BICC1: variants seen among roughly 807,000 people sequenced by gnomAD.
BICC1 encodes BicC family RNA binding protein 1, also known as protein bicaudal C homolog 1.
BICC1 carries 43 observed loss-of-function variants against 111.0 expected under a neutral mutation model. The ratio of observed to expected loss-of-function variants is 0.39; its 90% confidence interval spans 0.30 to 0.50. The LOEUF (loss-of-function observed/expected upper bound fraction) is 0.50. BICC1 is among the 20% of genes least tolerant of loss of function. The pLI is 0.88. For synonymous variants in BICC1, 467 were observed against 434.4 expected (o/e 1.07, Z -0.93); for missense variants, 1,091 against 1,203.2 (o/e 0.91, Z 1.38).
intron 2 of BICC1, among the ~76,000 whole-genome samples, chr10:58,662,371 G>A (rs1352600838): frequency 6.6e-6 from 1 of 152,156 alleles, no homozygotes; most frequent in Admixed American, 6.5e-5. Flanking sequence ...TTAAACAAGG[G>A]TTTTCCACCC....
intron 2 of BICC1, among the ~76,000 whole-genome samples, chr10:58,678,374 A>C (rs1230171439): frequency 6.6e-6 from 1 of 152,022 alleles, no homozygotes; most frequent in Non-Finnish European, 1.5e-5. Context: ...AATGGAAAGC[A>C]AAAAAAAGCA....
intron 8 of BICC1, among the ~76,000 whole-genome samples, chr10:58,792,667 C>T (rs1403430865): frequency 1.3e-5 from 2 of 152,200 alleles, no homozygotes; most frequent in African/African-American, 4.8e-5. Context: ...TGATCTGTCA[C>T]TGTCTCCCAT....
At position 58,552,332 on chromosome 10, in the gene BICC1, TTTTA is replaced by T. The variant is rs1361312438; in HGVS notation, c.190+39015_190+39018del. Among the ~76,000 whole-genome samples, 6 of 152,102 alleles carry T rather than the reference TTTTA, an allele frequency of 3.9e-5. No homozygotes were observed. The East Asian group carries it at 5.8e-4, about 15-fold the overall frequency. On this transcript the variant is annotated intron_variant, in intron 1 of 20. Transcript: ENST00000373886. ...TTTATTCTTATTTCTTTTTTTATTA[TTTTA>T]TTTATTTATTTATTTTTGAGATGGA...
intron 2 of BICC1, among the ~76,000 whole-genome samples, chr10:58,684,349 G>C (rs1405276825): frequency 6.6e-6 from 1 of 151,872 alleles, no homozygotes; most frequent in Non-Finnish European, 1.5e-5. Context: ...TTTTTGTTGT[G>C]TCTCTGCCAG....
At chr10:58,802,375 T>C (rs867568470) in intron 14 of BICC1, among the ~76,000 whole-genome samples, 1 of 152,204 alleles carries the variant, frequency 6.6e-6, no homozygotes, top group African/African-American at 2.4e-5. Context: ...AATAAAATCA[T>C]GAATGAATAA....
chr10:58,723,154 A>G (rs985176144), intron 3 of BICC1, among the ~76,000 whole-genome samples: 5 of 152,254 alleles, frequency 3.3e-5, no homozygotes, highest in African/African-American at 4.8e-5. Context: ...CAGATCCTCA[A>G]TAAATATTTA....
At chr10:58,566,514 A>G (rs1843769964) in intron 1 of BICC1, among the ~76,000 whole-genome samples, 1 of 152,136 alleles carries the variant, frequency 6.6e-6, no homozygotes, top group African/African-American at 2.4e-5. Flanking sequence ...CTCTGGGTAC[A>G]TACCCAATAG....
Position 58,591,355 on chromosome 10 carries a change from A to G in BICC1, c.191-29500A>G, listed in dbSNP as rs533891968. On this transcript the variant is annotated intron_variant, in intron 1 of 20. Transcript: ENST00000373886. ...GTCTTAGTCCATTCCGGCTGCTATA[A>G]CAAAATACCATCAACTGGGTGGTCT... is the stretch of plus-strand genomic sequence containing the variant. Among the ~76,000 whole-genome samples the G allele has an allele frequency of 6.6e-5, 10 of 152,322 alleles. No individual in the cohort carries two copies. The South Asian group carries it at 2.1e-3, about 32-fold the overall frequency.
At chr10:58,738,265 A>G (rs904508816) in intron 3 of BICC1, among the ~76,000 whole-genome samples, 6 of 152,114 alleles carry the variant, frequency 3.9e-5, no homozygotes, top group Non-Finnish European at 8.8e-5. Flanking sequence ...TGATTTTTGT[A>G]TAAGATGTAA....
At chr10:58,788,279 A>T in intron 5 of BICC1, 91 bp from the exon 6 acceptor site, 1 of 940,166 alleles carries the variant, frequency 1.1e-6, no homozygotes, top group Non-Finnish European at 1.7e-6. Context: ...TCCCTGGATG[A>T]CACTTTTAGT....
intron 2 of BICC1, among the ~76,000 whole-genome samples, chr10:58,663,349 G>A (rs191094780): frequency 6.6e-6 from 1 of 152,240 alleles, no homozygotes; most frequent in Admixed American, 6.5e-5. Flanking sequence ...TTACAGGTGT[G>A]AATCACCACA....
intron 1 of BICC1, among the ~76,000 whole-genome samples, chr10:58,527,233 G>T (rs1011378810): frequency 1.3e-5 from 2 of 152,200 alleles, no homozygotes; most frequent in Non-Finnish European, 2.9e-5. Context: ...CTTTTGAGAA[G>T]TGTCTGTTCA....
intron 2 of BICC1, 41 bp downstream of exon 2, chr10:58,620,942 G>C: frequency 6.4e-7 from 1 of 1,558,440 alleles, no homozygotes; most frequent in Non-Finnish European, 8.8e-7. Context: ...TAAGTAAGAG[G>C]AAATATACTT....
intron 2 of BICC1, among the ~76,000 whole-genome samples, chr10:58,635,163 A>C (rs958570042): frequency 6.6e-6 from 1 of 152,050 alleles, no homozygotes; most frequent in African/African-American, 2.4e-5. Flanking sequence ...ATACTGTGAG[A>C]TACTAGTTCT....
At chr10:58,552,811 A>T (rs1200072371) in intron 1 of BICC1, among the ~76,000 whole-genome samples, 1 of 152,168 alleles carries the variant, frequency 6.6e-6, no homozygotes, top group Non-Finnish European at 1.5e-5. Flanking sequence ...AGATCTCAAC[A>T]GTCTCTAAAA....
intron 1 of BICC1, among the ~76,000 whole-genome samples, chr10:58,524,584 A>G (rs1243712738): frequency 8.5e-5 from 13 of 152,186 alleles, no homozygotes; most frequent in South Asian, 2.1e-4. Context: ...AGACTTAAAT[A>G]TTAGACCTAA....
intron 15 of BICC1, 137 bp from the exon 16 acceptor site, chr10:58,806,447 G>T: frequency 1.4e-6 from 1 of 715,404 alleles, no homozygotes; most frequent in Non-Finnish European, 2.5e-6. Context: ...GATTTCTGTG[G>T]CATTATTGTG....
chr10:58,603,784 A>T (rs1171547289), intron 1 of BICC1, among the ~76,000 whole-genome samples: 2 of 152,186 alleles, frequency 1.3e-5, no homozygotes, highest in Non-Finnish European at 2.9e-5. Flanking sequence ...AGTTATTATC[A>T]GGAGTGGGAG....
chr10:58,569,496 C>T (rs557870057), intron 1 of BICC1, among the ~76,000 whole-genome samples: 7 of 152,130 alleles, frequency 4.6e-5, no homozygotes, highest in Non-Finnish European at 1.0e-4. Context: ...CACCCATCAG[C>T]CCATCATCTA....
Sources: allele counts gnomAD v4.1 joint callset (sites outside exome capture counted in the v4.1 genomes callset), GRCh38; gene constraint gnomAD v4.1.1; transcripts MANE v1.5; gene names NCBI Gene and HGNC (gene_info 2026-07-23, HGNC 2026-07-21).